Variants in ASTN2 observed in about 807,000 individuals in gnomAD.
The protein encoded by ASTN2 is astrotactin-2.
In ASTN2, 54 loss-of-function variants were observed where a neutral mutation model predicts 139.8. The observed-to-expected ratio is 0.39, with a 90% CI of 0.31 to 0.48. ASTN2 has a LOEUF of 0.48. Among genes scored for constraint, ASTN2 ranks in the 20% least tolerant of loss-of-function variants. The pLI, the probability that ASTN2 is intolerant of heterozygous loss-of-function variation, is 0.95. For synonymous variants in ASTN2, 756 were observed against 719.5 expected (o/e 1.05, Z -0.81); for missense variants, 1,565 against 1,725.1 (o/e 0.91, Z 1.64).
chr9:117,047,376 C>T (rs1838777485), intron 5 of ASTN2, among the ~76,000 whole-genome samples: 1 of 152,144 alleles, frequency 6.6e-6, no homozygotes, highest in Non-Finnish European at 1.5e-5. Context: ...CTATCTTTGT[C>T]ATGAACTAAT....
chr9:116,859,858 C>A (rs1425171731), intron 11 of ASTN2, among the ~76,000 whole-genome samples: 1 of 152,246 alleles, frequency 6.6e-6, no homozygotes, highest in Non-Finnish European at 1.5e-5. Flanking sequence ...CCTTTCCTGG[C>A]ATGTCTAGAT....
intron 13 of ASTN2, among the ~76,000 whole-genome samples, chr9:116,805,109 AGTGTGTGTGT>A (rs10681699): frequency 4.9e-5 from 7 of 143,020 alleles, no homozygotes; most frequent in Non-Finnish European, 9.1e-5. Flanking sequence ...GGATTTGGGG[AGTGTGTGTGT>A]GTGTGTGTGT....
rs5900267 is a variant in ASTN2 at position 117,134,266 on chromosome 9, TTATATATATATATATATA to T, written c.1168+7042_1168+7059del. On this transcript the variant is annotated intron_variant, in intron 4 of 22. Coordinates refer to ENST00000313400, the MANE Select transcript of ASTN2 (RefSeq NM_001365068.1). ...ATTCATGACCAGTTACTAATGAAAA[TTATATATATATATATATA>T]TATATATATATACACACACACACAC... is the stretch of plus-strand genomic sequence containing the variant. Among the ~76,000 whole-genome samples, 45 of 92,614 alleles carry T rather than the reference TTATATATATATATATATA, an allele frequency of 4.9e-4. No individual in the cohort carries two copies. In the South Asian group the frequency reaches 0.017, roughly 35 times the overall value. 60.8% of individuals were successfully genotyped at this position (92,614 alleles called of 152,430 possible).
chr9:117,011,034 T>A (rs941702628), intron 6 of ASTN2, among the ~76,000 whole-genome samples: 2 of 152,196 alleles, frequency 1.3e-5, no homozygotes, highest in Admixed American at 1.3e-4. Flanking sequence ...AGTGCCTAGG[T>A]GCTGACTGGA....
intron 19 of ASTN2, among the ~76,000 whole-genome samples, chr9:116,590,458 C>T (rs750139624): frequency 1.3e-4 from 20 of 152,166 alleles, no homozygotes; most frequent in South Asian, 2.1e-4. Flanking sequence ...CCAATAAGCA[C>T]GGGAAAGGGG....
chr9:117,040,348 G>C (rs772945462), intron 5 of ASTN2, among the ~76,000 whole-genome samples: 30 of 152,220 alleles, frequency 2.0e-4, no homozygotes, highest in Non-Finnish European at 4.0e-4. Flanking sequence ...ATTCAGTAGA[G>C]TCTAGTGAAA....
intron 3 of ASTN2, chr9:117,180,627 CTTTTTTTT>C: frequency 1.1e-6 from 1 of 939,626 alleles, no homozygotes; most frequent in South Asian, 1.6e-5. Flanking sequence ...TCTGGAGTAT[CTTTTTTTT>C]TTTTTTTTTG....
intron 1 of ASTN2, among the ~76,000 whole-genome samples, chr9:117,297,653 T>A (rs953780296): frequency 4.6e-5 from 7 of 152,170 alleles, no homozygotes; most frequent in African/African-American, 1.7e-4. Flanking sequence ...CAAGGAATTG[T>A]TACCACCCTA....
intron 11 of ASTN2, among the ~76,000 whole-genome samples, chr9:116,840,065 A>G (rs977962142): frequency 6.8e-6 from 1 of 147,404 alleles, no homozygotes; most frequent in Non-Finnish European, 1.5e-5. Flanking sequence ...GAGATTAGGG[A>G]GTGGTGATGA....
intron 13 of ASTN2, among the ~76,000 whole-genome samples, chr9:116,775,606 A>AGAG: frequency 1.1e-5 from 1 of 88,576 alleles, no homozygotes; most frequent in Non-Finnish European, 2.4e-5. Context: ...GGAGGGAGGG[A>AGAG]AAGAAGGAAG....
intron 19 of ASTN2, among the ~76,000 whole-genome samples, chr9:116,559,957 T>C (rs533986570): frequency 2.0e-5 from 3 of 152,332 alleles, no homozygotes; most frequent in South Asian, 2.1e-4. Context: ...CCGCTTTTTA[T>C]TGATAAAGAA....
intron 7 of ASTN2, among the ~76,000 whole-genome samples, chr9:116,991,210 G>T (rs1259622721): frequency 3.3e-5 from 5 of 152,234 alleles, no homozygotes; most frequent in Admixed American, 2.0e-4. Flanking sequence ...CTATTCAGAG[G>T]CCTTTAGTCA....
intron 13 of ASTN2, among the ~76,000 whole-genome samples, chr9:116,742,357 A>T (rs185789618): frequency 6.6e-6 from 1 of 152,338 alleles, no homozygotes; most frequent in African/African-American, 2.4e-5. Context: ...AAAAGGAAAT[A>T]GTACACTCTT....
At chr9:116,683,577 A>G (rs1002769422) in intron 16 of ASTN2, among the ~76,000 whole-genome samples, 3 of 152,206 alleles carry the variant, frequency 2.0e-5, no homozygotes, top group Admixed American at 6.5e-5. Context: ...GGAATAGAGG[A>G]AAAAATGAAA....
intron 3 of ASTN2, among the ~76,000 whole-genome samples, chr9:117,206,319 CAGA>C (rs1564478018): frequency 6.6e-6 from 1 of 152,138 alleles, no homozygotes; most frequent in Non-Finnish European, 1.5e-5. Context: ...AAAAGATAAG[CAGA>C]AGATCTCTAT....
At chr9:117,121,250 C>A (rs149031276) in intron 4 of ASTN2, among the ~76,000 whole-genome samples, 5 of 152,188 alleles carry the variant, frequency 3.3e-5, no homozygotes, top group African/African-American at 1.2e-4. Context: ...CATCACTGGG[C>A]TAGAGGAACA....
chr9:117,284,140 T>C (rs1388298750), intron 2 of ASTN2, among the ~76,000 whole-genome samples: 1 of 152,110 alleles, frequency 6.6e-6, no homozygotes, highest in Non-Finnish European at 1.5e-5. Context: ...GTTGTTAGGG[T>C]GGGACCCAGT....
intron 16 of ASTN2, among the ~76,000 whole-genome samples, chr9:116,717,589 A>G (rs62574194): frequency 0.15 from 22,819 of 152,120 alleles, 1,806 homozygotes; most frequent in Middle Eastern, 0.21. Context: ...TCTCACCACC[A>G]TGCTGGGACC....
intron 19 of ASTN2, among the ~76,000 whole-genome samples, chr9:116,598,870 A>G (rs1854723326): frequency 1.3e-5 from 2 of 152,230 alleles, no homozygotes; most frequent in Admixed American, 1.3e-4. Flanking sequence ...TGGGGCACAC[A>G]TGAACGTTTA....
Sources: allele counts gnomAD v4.1 joint callset (sites outside exome capture counted in the v4.1 genomes callset), GRCh38; gene constraint gnomAD v4.1.1; transcripts MANE v1.5; gene names NCBI Gene and HGNC (gene_info 2026-07-23, HGNC 2026-07-21).